Variants in TACR3 observed in about 807,000 individuals in gnomAD.
The protein encoded by TACR3 is neuromedin-K receptor.
Under a neutral mutation model 35.0 loss-of-function variants are expected in TACR3, and 34 were observed. That is an observed-to-expected ratio of 0.97 (90% confidence interval 0.74 to 1.30). The LOEUF (loss-of-function observed/expected upper bound fraction) is 1.30, where lower values mean the gene tolerates loss of function less well. Ranked by LOEUF, TACR3 falls within the 50% of genes most tolerant of loss-of-function variation. The probability of loss-of-function intolerance (pLI) is 0.00; values close to 1 mark genes in which losing one functional copy is unlikely to be tolerated. For synonymous variants in TACR3, 233 were observed against 221.1 expected, an observed-to-expected ratio of 1.05 and a Z score of -0.48; for missense variants, 558 against 591.7, an observed-to-expected ratio of 0.94 and a Z score of 0.59.
intron 3 of TACR3, among the ~76,000 whole-genome samples, chr4:103,596,777 C>T (rs954649221): frequency 6.6e-6 from 1 of 151,792 alleles, no homozygotes; most frequent in African/African-American, 2.4e-5. Context: ...CAAGAGTCCC[C>T]AGTGTGTGAT....
intron 1 of TACR3, among the ~76,000 whole-genome samples, chr4:103,718,764 G>T (rs1341292060): frequency 6.6e-6 from 1 of 152,184 alleles, no homozygotes; most frequent in Non-Finnish European, 1.5e-5. Context: ...GCACTTTACA[G>T]ATGACATAAA....
At chr4:103,601,594 C>G (rs1724203091) in intron 3 of TACR3, among the ~76,000 whole-genome samples, 1 of 152,276 alleles carries the variant, frequency 6.6e-6, no homozygotes, top group South Asian at 2.1e-4. Flanking sequence ...GTGACAAAAT[C>G]TCTCAGCATT....
intron 3 of TACR3, among the ~76,000 whole-genome samples, chr4:103,654,603 G>A (rs1479074139): frequency 3.4e-5 from 5 of 148,124 alleles, no homozygotes; most frequent in East Asian, 4.0e-4. Flanking sequence ...GCTAAATGAC[G>A]AGTTAATGGC....
At chr4:103,655,826 G>A (rs1234336875) in intron 3 of TACR3, among the ~76,000 whole-genome samples, 1 of 151,962 alleles carries the variant, frequency 6.6e-6, no homozygotes, top group African/African-American at 2.4e-5. Context: ...GAAGCCTTGA[G>A]CAGATTATAG....
chr4:103,606,133 G>T (rs1578223611), intron 3 of TACR3, among the ~76,000 whole-genome samples: 2 of 151,856 alleles, frequency 1.3e-5, no homozygotes, highest in South Asian at 4.2e-4. Context: ...TCAGATAGTT[G>T]TAGATATGTG....
intron 3 of TACR3, among the ~76,000 whole-genome samples, chr4:103,626,417 G>GTTAT (rs1266273120): frequency 6.7e-6 from 1 of 148,210 alleles, no homozygotes; most frequent in African/African-American, 2.5e-5. Context: ...TATTATTATT[G>GTTAT]TTATTTTTTT....
chr4:103,669,553 A>ATATC (rs1303415516), intron 1 of TACR3, among the ~76,000 whole-genome samples: 3 of 152,028 alleles, frequency 2.0e-5, no homozygotes, highest in Admixed American at 6.6e-5. Context: ...AGGTAACATG[A>ATATC]TATCTCATTG....
chr4:103,597,445 C>A (rs1014056471), intron 3 of TACR3, among the ~76,000 whole-genome samples: 2 of 151,928 alleles, frequency 1.3e-5, no homozygotes, highest in Non-Finnish European at 2.9e-5. Flanking sequence ...TGATTAGAAT[C>A]CTTTTTTTTA....
intron 1 of TACR3, among the ~76,000 whole-genome samples, chr4:103,691,667 C>T (rs1426107826): frequency 6.6e-6 from 1 of 152,076 alleles, no homozygotes; most frequent in Non-Finnish European, 1.5e-5. Context: ...TCATAATGGC[C>T]CTAATGCCCA....
At chr4:103,591,263 G>C (rs1356456124) in intron 4 of TACR3, 1 of 573,090 alleles carries the variant, frequency 1.7e-6, no homozygotes, top group African/African-American at 1.9e-5. Context: ...CATCCAGTTA[G>C]AACCCCAAGA....
intron 3 of TACR3, among the ~76,000 whole-genome samples, chr4:103,600,018 T>C (rs992937977): frequency 2.0e-5 from 3 of 152,172 alleles, no homozygotes; most frequent in Non-Finnish European, 2.9e-5. Context: ...TGGAATAGTT[T>C]CAGAAGGAAT....
chr4:103,627,053 G>T (rs979587939), intron 3 of TACR3, among the ~76,000 whole-genome samples: 1 of 150,812 alleles, frequency 6.6e-6, no homozygotes, highest in South Asian at 2.1e-4. Flanking sequence ...GTGGTGGCAG[G>T]CACCTGTAGT....
chr4:103,600,836 A>T (rs1411289853), intron 3 of TACR3, among the ~76,000 whole-genome samples: 5 of 152,004 alleles, frequency 3.3e-5, no homozygotes, highest in African/African-American at 1.2e-4. Context: ...AGTTTGTTAT[A>T]ATTTCTGTTC....
chr4:103,629,851 A>AAC (rs1194373450), intron 3 of TACR3, among the ~76,000 whole-genome samples: 1 of 79,468 alleles, frequency 1.3e-5, no homozygotes, highest in African/African-American at 5.9e-5. Context: ...TAAGCAAAAC[A>AAC]AAAAAAAAAC....
intron 3 of TACR3, among the ~76,000 whole-genome samples, chr4:103,639,540 A>G (rs1472327888): frequency 6.6e-6 from 1 of 152,128 alleles, no homozygotes; most frequent in African/African-American, 2.4e-5. Context: ...ATGTATACAT[A>G]TGTAACAAAC....
chr4:103,654,871 A>T (rs1487979660), intron 3 of TACR3, among the ~76,000 whole-genome samples: 1 of 152,146 alleles, frequency 6.6e-6, no homozygotes. Flanking sequence ...GCAAGATGTT[A>T]TATAAGGCGG....
chr4:103,639,154 G>A (rs56861567), intron 3 of TACR3, among the ~76,000 whole-genome samples: 11,867 of 152,004 alleles, frequency 0.078, 1,503 homozygotes, highest in African/African-American at 0.27. Context: ...TGTTTATTGC[G>A]GCACTATTCA....
At chr4:103,616,855 G>A (rs1198238933) in intron 3 of TACR3, among the ~76,000 whole-genome samples, 1 of 152,130 alleles carries the variant, frequency 6.6e-6, no homozygotes, top group Non-Finnish European at 1.5e-5. Context: ...GGCTGAGGTG[G>A]GCATGTCGAT....
At chr4:103,596,399 C>T (rs959368629) in intron 3 of TACR3, among the ~76,000 whole-genome samples, 6 of 151,782 alleles carry the variant, frequency 4.0e-5, no homozygotes, top group Admixed American at 1.3e-4. Context: ...TCTCCACATC[C>T]TCTCCAGCAC....
Sources: allele counts gnomAD v4.1 joint callset (sites outside exome capture counted in the v4.1 genomes callset), GRCh38; gene constraint gnomAD v4.1.1; transcripts MANE v1.5; gene names NCBI Gene and HGNC (gene_info 2026-07-23, HGNC 2026-07-21).